MS4A1: variants seen among roughly 807,000 people sequenced by gnomAD.
MS4A1 encodes the protein membrane spanning 4-domains A1.
A neutral mutation model predicts 26.5 loss-of-function variants in MS4A1; 16 were observed. The observed-to-expected ratio is 0.60, with a 90% CI of 0.41 to 0.92. The LOEUF (loss-of-function observed/expected upper bound fraction) is 0.92, where lower values mean the gene tolerates loss of function less well. MS4A1 is among the 40% of genes least tolerant of loss of function. MS4A1 has a pLI of 0.00. For synonymous variants in MS4A1, 128 were observed against 117.6 expected (o/e 1.09, Z -0.57); for missense variants, 350 against 353.0 (o/e 0.99, Z 0.07).
rs201367222 is a variant in MS4A1 at position 60,468,742 on chromosome 11, C to G, written c.*274C>G. 2 of 461,116 alleles carry G rather than the reference C, an allele frequency of 4.3e-6. No individual in the cohort carries two copies. Among genetic ancestry groups the G allele is most frequent in the Non-Finnish European group, 7.7e-6 (2 of 258,460 alleles). The allele number at this position is 461,116 out of a possible 1,614,324, so 28.6% of individuals were successfully genotyped here. A position where few individuals can be genotyped will look rare whatever the true frequency, so the allele number is the denominator to read the frequency against. On this transcript the variant is annotated 3_prime_UTR_variant, in exon 8 of 8. Transcript: ENST00000345732. ...GCTTCAGAATGTGATTTCCTACTAA[C>G]CTGTTCCTTGGATAGGCTTTTTAGT... is the stretch of plus-strand genomic sequence containing the variant.
chr11:60,464,365 C>T (rs200582297), intron 5 of MS4A1, 21 bp downstream of exon 5: 2 of 1,609,180 alleles, frequency 1.2e-6, no homozygotes, highest in African/African-American at 2.7e-5. Context: ...ATATGTCCTT[C>T]TTTCCCACAT....
At position 60,469,286 on chromosome 11, in the gene MS4A1, C is replaced by T. The variant is rs1011544856; in HGVS notation, c.*818C>T. 5 of 152,126 alleles carry T rather than the reference C, an allele frequency of 3.3e-5. No homozygotes were observed. The highest frequency in any genetic ancestry group is 4.8e-5 in the African/African-American group (2 of 41,430). The allele number at this position is 152,126 out of a possible 1,614,324, so 9.4% of individuals were successfully genotyped here. A position where few individuals can be genotyped will look rare whatever the true frequency, so the allele number is the denominator to read the frequency against. The stretch of plus-strand genomic sequence containing the variant: ...GACAAAGTATTTCATCAAATAACTT[C>T]ATTTGATGTTCCATGATCAAGAAAG... On this transcript the variant is annotated 3_prime_UTR_variant, in exon 8 of 8. Transcript: ENST00000345732.
At chr11:60,466,787 G>T in intron 6 of MS4A1, 172 bp from the exon 7 acceptor site, 1 of 683,920 alleles carries the variant, frequency 1.5e-6, no homozygotes. Flanking sequence ...TTAAGAGTTA[G>T]GGTTATAAAG....
Position 60,463,237 on chromosome 11 carries a change from T to C in MS4A1, c.279+116T>C, listed in dbSNP as rs559387107. On this transcript the variant is annotated intron_variant, in intron 4 of 7. Coordinates refer to ENST00000345732, the MANE Select transcript of MS4A1 (RefSeq NM_152866.3). ...AGGGAAATATATGAGTAGGAAATATTATTGGGTTAAAGTAATTAAGAAGAC... is the reference window on the plus strand; with the variant it reads ...AGGGAAATATATGAGTAGGAAATATCATTGGGTTAAAGTAATTAAGAAGAC... 98 of 1,452,982 alleles carry C rather than the reference T, an allele frequency of 6.7e-5. No individual in the cohort carries two copies. The South Asian group carries it at 1.0e-3, about 15-fold the overall frequency. The allele number at this position is 1,452,982 out of a possible 1,614,324, so 90.0% of individuals were successfully genotyped here.
chr11:60,458,976 T>TCACA (rs35710902), intron 1 of MS4A1, among the ~76,000 whole-genome samples: 6 of 150,714 alleles, frequency 4.0e-5, no homozygotes, highest in Admixed American at 2.6e-4. Context: ...CAGAGAAATA[T>TCACA]CACACACACA....
At chr11:60,460,371 A>G (rs1036165518) in intron 1 of MS4A1, among the ~76,000 whole-genome samples, 6 of 152,210 alleles carry the variant, frequency 3.9e-5, no homozygotes, top group Admixed American at 6.5e-5. Flanking sequence ...TGCCTGTTCT[A>G]TAAGGCTCAG....
intron 6 of MS4A1, among the ~76,000 whole-genome samples, chr11:60,466,365 T>C (rs112058673): frequency 6.6e-6 from 1 of 152,226 alleles, no homozygotes; most frequent in African/African-American, 2.4e-5. Flanking sequence ...ATAGGGTTGT[T>C]CTGAGGAATA....
intron 5 of MS4A1, 64 bp from the exon 6 acceptor site, chr11:60,465,857 C>A: frequency 1.5e-6 from 2 of 1,314,596 alleles, no homozygotes; most frequent in Non-Finnish European, 2.2e-6. Flanking sequence ...TTGGAATTCC[C>A]TCCCAGATTA....
Position 60,469,921 on chromosome 11 carries a change from A to G in MS4A1, c.*1453A>G, listed in dbSNP as rs748908446. 2 of 152,046 alleles carry G rather than the reference A, an allele frequency of 1.3e-5. No homozygotes were observed. The highest frequency in any genetic ancestry group is 2.9e-5 in the Non-Finnish European group (2 of 67,940). The allele number at this position is 152,046 out of a possible 1,614,324, so 9.4% of individuals were successfully genotyped here. On this transcript the variant is annotated 3_prime_UTR_variant, in exon 8 of 8. Coordinates refer to ENST00000345732, the MANE Select transcript of MS4A1 (RefSeq NM_152866.3). ...CAATGTAATTTGCACTCCCTATGAT[A>G]TTTCTACATTTTTAGCGACCACTAG... is the stretch of plus-strand genomic sequence containing the variant.
At position 60,463,066 on chromosome 11, in the gene MS4A1, G is replaced by A. The variant is rs2135198182; in HGVS notation, c.224G>A (p.Gly75Glu). Residue 75 changes from glycine (G) to glutamate (E), a missense_variant, in exon 4 of 8, where the codon GGG (glycine) becomes GAG (glutamate). Coordinates refer to ENST00000345732, the MANE Select transcript of MS4A1 (RefSeq NM_152866.3). ...GGGGGTCTTCTGATGATCCCAGCAGGGATCTATGCACCCATCTGTGTGACT... is the reference window on the plus strand; with the variant it reads ...GGGGGTCTTCTGATGATCCCAGCAGAGATCTATGCACCCATCTGTGTGACT... ...ALGGLLMIPA[G>E]IYAPICVTVW... is the part of the protein sequence containing the mutation. The A allele has an allele frequency of 1.2e-6, 2 of 1,614,180 alleles. No individual in the cohort carries two copies. The highest frequency in any genetic ancestry group is 1.7e-6 in the Non-Finnish European group (2 of 1,180,028).
chr11:60,456,674 A>G (rs2086206347), intron 1 of MS4A1, among the ~76,000 whole-genome samples: 1 of 152,142 alleles, frequency 6.6e-6, no homozygotes. Flanking sequence ...TGTTTTCTGA[A>G]TCCAGTATAT....
intron 1 of MS4A1, among the ~76,000 whole-genome samples, chr11:60,459,372 T>C (rs1317997679): frequency 1.3e-5 from 2 of 152,340 alleles, no homozygotes; most frequent in East Asian, 1.9e-4. Context: ...ATATCTCTAG[T>C]ATATAGTAGG....
intron 7 of MS4A1, among the ~76,000 whole-genome samples, chr11:60,467,601 C>T (rs2086305076): frequency 6.6e-6 from 1 of 151,808 alleles, no homozygotes; most frequent in South Asian, 2.1e-4. Flanking sequence ...ATTAACCTTC[C>T]CTGCTGCTTG....
At chr11:60,463,642 C>T in intron 4 of MS4A1, 1 of 368,094 alleles carries the variant, frequency 2.7e-6, no homozygotes, top group Admixed American at 2.9e-5. Context: ...GCACATAGGA[C>T]AGTGATGTTT....
Position 60,464,217 on chromosome 11 carries a change from G to A in MS4A1, c.280-71G>A. Reference sequence around the variant, plus strand: ...TGACCAGTTATCAATGTTAAAAAGTGATCTCCCTCTCTCCTCTATCTCCTG... The same window carrying A: ...TGACCAGTTATCAATGTTAAAAAGTAATCTCCCTCTCTCCTCTATCTCCTG... On this transcript the variant is annotated intron_variant, in intron 4 of 7. Coordinates refer to ENST00000345732, the MANE Select transcript of MS4A1 (RefSeq NM_152866.3). 3 of 1,131,436 alleles carry A rather than the reference G, an allele frequency of 2.7e-6. No individual in the cohort carries two copies. The South Asian group carries it at 3.8e-5, about 15-fold the overall frequency. The allele number at this position is 1,131,436 out of a possible 1,614,324, so 70.1% of individuals were successfully genotyped here.
rs1165616362 is a variant in MS4A1 at position 60,468,726 on chromosome 11, T to C, written c.*258T>C. On this transcript the variant is annotated 3_prime_UTR_variant, in exon 8 of 8. Coordinates refer to ENST00000345732, the MANE Select transcript of MS4A1 (RefSeq NM_152866.3). ...GAAAGGCAGAATGAGTGCTTCAGAATGTGATTTCCTACTAACCTGTTCCTT... is the reference window on the plus strand; with the variant it reads ...GAAAGGCAGAATGAGTGCTTCAGAACGTGATTTCCTACTAACCTGTTCCTT... The C allele has an allele frequency of 5.9e-6, 3 of 508,410 alleles. No homozygotes were observed. The highest frequency in any genetic ancestry group is 7.0e-6 in the Non-Finnish European group (2 of 284,234). The allele number at this position is 508,410 out of a possible 1,614,324, so 31.5% of individuals were successfully genotyped here.
At chr11:60,466,925 A>G (rs764892583) in intron 6 of MS4A1, 34 bp from the exon 7 acceptor site, 13 of 1,587,604 alleles carry the variant, frequency 8.2e-6, no homozygotes, top group Middle Eastern at 3.3e-4. Flanking sequence ...TGCCATTATT[A>G]CATTTTCACC....
At chr11:60,460,821 A>C (rs1478049856) in intron 1 of MS4A1, among the ~76,000 whole-genome samples, 1 of 151,778 alleles carries the variant, frequency 6.6e-6, no homozygotes, top group Admixed American at 6.7e-5. Flanking sequence ...GAAAACTGAT[A>C]AATAGCATTT....
rs2086318626 is a variant in MS4A1, at chr11:60,468,854, C to T, written c.*386C>T. ...GATATATGACTGCTTCATGACATTC[C>T]TAAACTATCTTTTTTTTATTCCACA... On this transcript the variant is annotated 3_prime_UTR_variant, in exon 8 of 8. Transcript: ENST00000345732. 1.0e-5 allele frequency: 2 copies of T among 191,676 alleles called. No individual in the cohort carries two copies. The highest frequency in any genetic ancestry group is 2.1e-4 in the South Asian group (2 of 9,340). The allele number at this position is 191,676 out of a possible 1,614,324, so 11.9% of individuals were successfully genotyped here.
Sources: gnomAD v4.1 joint callset for allele counts (sites outside exome capture counted in the v4.1 genomes callset) on GRCh38, gnomAD v4.1.1 for gene constraint, MANE v1.5 for transcripts, NCBI Gene and HGNC (gene_info 2026-07-23, HGNC 2026-07-21) for gene names.